Variants in ST7 observed in about 807,000 individuals in gnomAD.
ST7 encodes suppression of tumorigenicity 7.
A neutral mutation model predicts 78.7 loss-of-function variants in ST7; 28 were observed. That is an observed-to-expected ratio of 0.36 (90% CI 0.26 to 0.49). The LOEUF (loss-of-function observed/expected upper bound fraction) is 0.49, where lower values mean the gene tolerates loss of function less well. Ranked by LOEUF, ST7 falls within the 20% of genes least tolerant of loss-of-function variation. The probability of loss-of-function intolerance (pLI) is 0.99; values close to 1 mark genes in which losing one functional copy is unlikely to be tolerated. For synonymous variants in ST7, 247 were observed against 249.6 expected (o/e 0.99, Z 0.10); for missense variants, 418 against 696.0 (o/e 0.60, Z 4.49).
At chr7:117,136,400 T>G in intron 8 of ST7, 165 bp downstream of exon 8, 1 of 756,062 alleles carries the variant, frequency 1.3e-6, no homozygotes, top group South Asian at 1.8e-5. Flanking sequence ...GTGCAGTTAG[T>G]AAATAATTAA....
intron 2 of ST7, among the ~76,000 whole-genome samples, chr7:117,102,975 A>G (rs1801677086): frequency 6.6e-6 from 1 of 152,208 alleles, no homozygotes; most frequent in African/African-American, 2.4e-5. Flanking sequence ...AATCCCATTT[A>G]CAATAGCTAT....
At chr7:117,105,594 T>G (rs1801894663) in intron 2 of ST7, among the ~76,000 whole-genome samples, 1 of 152,124 alleles carries the variant, frequency 6.6e-6, no homozygotes, top group Non-Finnish European at 1.5e-5. Flanking sequence ...GGTTTATTAA[T>G]AGGTACAAAT....
chr7:117,118,677 C>G (rs1803107812), intron 2 of ST7, among the ~76,000 whole-genome samples: 1 of 152,062 alleles, frequency 6.6e-6, no homozygotes, highest in Non-Finnish European at 1.5e-5. Context: ...AAGGAAACCC[C>G]CAGTCAGGGA....
At chr7:117,112,079 T>C (rs1802474169) in intron 2 of ST7, among the ~76,000 whole-genome samples, 1 of 152,134 alleles carries the variant, frequency 6.6e-6, no homozygotes, top group African/African-American at 2.4e-5. Flanking sequence ...TATACATATA[T>C]GTACATATAT....
intron 1 of ST7, among the ~76,000 whole-genome samples, chr7:116,988,365 G>T (rs1434193876): frequency 6.6e-6 from 1 of 151,994 alleles, no homozygotes; most frequent in Non-Finnish European, 1.5e-5. Context: ...TGACACTGAG[G>T]GATATTTTCT....
intron 1 of ST7, chr7:117,073,984 T>G (rs1238548386): frequency 1.3e-5 from 2 of 152,210 alleles, no homozygotes; most frequent in Non-Finnish European, 2.9e-5. Flanking sequence ...ATTTTTGACC[T>G]CAATCCTTTT....
chr7:116,989,917 G>T (rs987881573), intron 1 of ST7, among the ~76,000 whole-genome samples: 10 of 152,194 alleles, frequency 6.6e-5, no homozygotes, highest in Admixed American at 6.5e-4. Context: ...GTGTTATGTG[G>T]CATAGATTGG....
At position 117,145,679 on chromosome 7, in the gene ST7, T is replaced by C. The variant is rs568541880; in HGVS notation, c.963+7147T>C. The C allele has an allele frequency of 2.0e-5, 3 of 152,306 alleles. No homozygotes were observed. In the East Asian group the frequency reaches 5.8e-4, roughly 29 times the overall value. The allele number at this position is 152,306 out of a possible 1,614,324, so 9.4% of individuals were successfully genotyped here. ...GTTGATTGTTTCTGCAGAAACACTATTTCTGATAGGGTCACATTCATAGGT... is the reference window on the plus strand; with the variant it reads ...GTTGATTGTTTCTGCAGAAACACTACTTCTGATAGGGTCACATTCATAGGT... On this transcript the variant is annotated intron_variant, in intron 9 of 15. Transcript: ENST00000323984.
At chr7:117,058,721 A>T (rs1379454754) in intron 1 of ST7, among the ~76,000 whole-genome samples, 31 of 152,230 alleles carry the variant, frequency 2.0e-4, no homozygotes, top group Non-Finnish European at 2.9e-5. Context: ...GGTATCAAAG[A>T]AATAGCAGAT....
intron 1 of ST7, among the ~76,000 whole-genome samples, chr7:117,083,138 C>T (rs1283666755): frequency 1.3e-5 from 2 of 152,146 alleles, no homozygotes; most frequent in African/African-American, 4.8e-5. Context: ...TGGCTCACTG[C>T]AGTCTCTACC....
At chr7:117,177,797 G>A (rs1484335838) in intron 10 of ST7, among the ~76,000 whole-genome samples, 1 of 151,932 alleles carries the variant, frequency 6.6e-6, no homozygotes, top group Non-Finnish European at 1.5e-5. Context: ...TTTGAAGGTG[G>A]GGCAAAAAGA....
At chr7:117,069,516 C>T (rs6961817) in intron 1 of ST7, among the ~76,000 whole-genome samples, 19,781 of 152,146 alleles carry the variant, frequency 0.13, 1,458 homozygotes, top group East Asian at 0.29. Context: ...TTCAGTTTTT[C>T]CCTTCTGCTG....
chr7:117,055,084 A>G (rs188106093), intron 1 of ST7, among the ~76,000 whole-genome samples: 18 of 152,354 alleles, frequency 1.2e-4, no homozygotes, highest in African/African-American at 3.4e-4. Context: ...TAATTGCTCA[A>G]TTACTAAAAA....
intron 9 of ST7, among the ~76,000 whole-genome samples, chr7:117,149,689 T>C (rs568973653): frequency 6.6e-6 from 1 of 151,924 alleles, no homozygotes; most frequent in South Asian, 2.1e-4. Context: ...TTTGTTTTTC[T>C]TAAAACTTGG....
intron 7 of ST7, among the ~76,000 whole-genome samples, chr7:117,134,914 CT>C (rs1248318312): frequency 6.6e-6 from 1 of 152,046 alleles, no homozygotes; most frequent in Non-Finnish European, 1.5e-5. Flanking sequence ...CTTACAGACC[CT>C]TCCTAAGGCT....
intron 1 of ST7, among the ~76,000 whole-genome samples, chr7:117,044,595 C>A (rs1242390933): frequency 6.6e-6 from 1 of 150,832 alleles, no homozygotes; most frequent in Admixed American, 6.6e-5. Context: ...AAGTGATCAG[C>A]CTGCCTTGGC....
At chr7:117,120,586 C>T (rs191113817) in intron 3 of ST7, among the ~76,000 whole-genome samples, 38 of 152,252 alleles carry the variant, frequency 2.5e-4, no homozygotes, top group East Asian at 7.7e-4. Context: ...TTTCTCATGA[C>T]GCTCTGCCTA....
intron 1 of ST7, among the ~76,000 whole-genome samples, chr7:117,093,365 T>A (rs972280041): frequency 3.9e-5 from 6 of 152,158 alleles, no homozygotes; most frequent in Non-Finnish European, 7.4e-5. Flanking sequence ...CATTTACACA[T>A]TCAGCTCAGT....
intron 10 of ST7, among the ~76,000 whole-genome samples, chr7:117,186,803 A>C (rs1273969171): frequency 6.6e-6 from 1 of 152,234 alleles, no homozygotes; most frequent in African/African-American, 2.4e-5. Flanking sequence ...CCTGTGAATG[A>C]ACTTACAGCA....
Sources: allele counts gnomAD v4.1 joint callset (sites outside exome capture counted in the v4.1 genomes callset), GRCh38; gene constraint gnomAD v4.1.1; transcripts MANE v1.5; gene names NCBI Gene and HGNC (gene_info 2026-07-23, HGNC 2026-07-21).